The following NPR3 variants were observed in gnomAD, a reference collection of about 807,000 sequenced individuals.
NPR3 encodes the protein atrial natriuretic peptide receptor 3.
Under a neutral mutation model 54.5 loss-of-function variants are expected in NPR3, and 34 were observed. The observed-to-expected ratio is 0.62, with a 90% CI of 0.47 to 0.83. The LOEUF (loss-of-function observed/expected upper bound fraction) is 0.83. NPR3 is among the 40% of genes least tolerant of loss of function. The pLI, the probability that NPR3 is intolerant of heterozygous loss-of-function variation, is 0.00. For missense variants in NPR3, 674 were observed against 720.8 expected (o/e 0.94, Z 0.74); for synonymous variants, 289 against 297.1 (o/e 0.97, Z 0.28).
chr5:32,790,202 TC>T lies in NPR3; in HGVS notation c.*3858del. 1 of 172,366 alleles carries T rather than the reference TC, an allele frequency of 5.8e-6. No homozygotes were observed. Among genetic ancestry groups the T allele is most frequent in the Non-Finnish European group, 1.4e-5 (1 of 71,072 alleles). The allele number at this position is 172,366 out of a possible 1,614,324, so 10.7% of individuals were successfully genotyped here. A position where few individuals can be genotyped will look rare whatever the true frequency, so the allele number is the denominator to read the frequency against. The stretch of plus-strand genomic sequence containing the variant: ...GTGTTCAGAGGGACCAGCTTCTTTT[TC>T]AGTTGTCTTTAGAACTCAAGAATAA... On this transcript the variant is annotated 3_prime_UTR_variant, in exon 8 of 8. Coordinates refer to ENST00000265074, the MANE Select transcript of NPR3 (RefSeq NM_001204375.2).
At chr5:32,703,427 C>G (rs879893415) in intron 1 of NPR3, among the ~76,000 whole-genome samples, 1 of 151,784 alleles carries the variant, frequency 6.6e-6, no homozygotes, top group Non-Finnish European at 1.5e-5. Context: ...AGGAGTCTCT[C>G]CCAGTAGTCA....
At chr5:32,781,867 C>T (rs992509495) in intron 5 of NPR3, among the ~76,000 whole-genome samples, 27 of 152,114 alleles carry the variant, frequency 1.8e-4, no homozygotes, top group Non-Finnish European at 2.6e-4. Flanking sequence ...ATTTTGGTGG[C>T]GATCTAGACT....
intron 3 of NPR3, 70 bp from the exon 4 acceptor site, chr5:32,774,638 G>A: frequency 8.3e-7 from 1 of 1,197,894 alleles, no homozygotes; most frequent in Non-Finnish European, 1.2e-6. Flanking sequence ...TAACGCTTTG[G>A]ATTGCTCATC....
chr5:32,691,905 C>T (rs1339094444), intron 1 of NPR3, among the ~76,000 whole-genome samples: 1 of 152,176 alleles, frequency 6.6e-6, no homozygotes, highest in Non-Finnish European at 1.5e-5. Flanking sequence ...TAAGATCTGT[C>T]CATGCTATTC....
chr5:32,770,844 A>G (rs965902160), intron 3 of NPR3, among the ~76,000 whole-genome samples: 1 of 152,236 alleles, frequency 6.6e-6, no homozygotes, highest in Admixed American at 6.5e-5. Context: ...GCTAATTACT[A>G]GAACAGATTG....
At chr5:32,774,022 T>A (rs1741906259) in intron 3 of NPR3, among the ~76,000 whole-genome samples, 1 of 152,196 alleles carries the variant, frequency 6.6e-6, no homozygotes, top group African/African-American at 2.4e-5. Flanking sequence ...AGGGCTCAAC[T>A]GGGATATACC....
At chr5:32,729,035 G>T (rs796693002) in intron 2 of NPR3, among the ~76,000 whole-genome samples, 6,498 of 77,692 alleles carry the variant, frequency 0.084, 125 homozygotes, top group African/African-American at 0.11. Context: ...TTTTTGTTTT[G>T]TTTTTTTTTT....
chr5:32,778,209 A>T (rs1273436175), intron 4 of NPR3, among the ~76,000 whole-genome samples: 1 of 152,208 alleles, frequency 6.6e-6, no homozygotes, highest in Non-Finnish European at 1.5e-5. Flanking sequence ...TGAAACAATC[A>T]ACTGTGTAGT....
chr5:32,744,605 T>C (rs1740202801), intron 3 of NPR3, among the ~76,000 whole-genome samples: 1 of 152,190 alleles, frequency 6.6e-6, no homozygotes, highest in South Asian at 2.1e-4. Context: ...TTGGTAAGCA[T>C]TCATCGGATG....
intron 1 of NPR3, among the ~76,000 whole-genome samples, chr5:32,719,135 G>GT (rs1229400181): frequency 6.6e-6 from 1 of 152,116 alleles, no homozygotes; most frequent in Non-Finnish European, 1.5e-5. Flanking sequence ...TGTTGGTTCT[G>GT]TTTTTGTGAT....
At position 32,786,729 on chromosome 5, in the gene NPR3, T is replaced by C. The variant is rs1314495231; in HGVS notation, c.*384T>C. 1 of 190,408 alleles carries C rather than the reference T, an allele frequency of 5.3e-6. No individual in the cohort carries two copies. Among genetic ancestry groups the C allele is most frequent in the African/African-American group, 2.4e-5 (1 of 41,794 alleles). The allele number at this position is 190,408 out of a possible 1,614,324, so 11.8% of individuals were successfully genotyped here. ...ATGTTTTGTAGCTAGAATAAAATCA[T>C]TTTTACAAGTACAGCATTCTTGGAA... On this transcript the variant is annotated 3_prime_UTR_variant, in exon 8 of 8. Transcript: ENST00000265074.
chr5:32,726,410 T>C (rs944777753), intron 2 of NPR3, among the ~76,000 whole-genome samples: 3 of 152,204 alleles, frequency 2.0e-5, no homozygotes, highest in Admixed American at 6.5e-5. Context: ...TAGTTTGCCC[T>C]CCTTCCTGCC....
intron 2 of NPR3, among the ~76,000 whole-genome samples, chr5:32,737,023 A>G (rs1315478181): frequency 6.6e-6 from 1 of 152,066 alleles, no homozygotes; most frequent in African/African-American, 2.4e-5. Flanking sequence ...CGGGCTCTAG[A>G]CTAAGTGCCC....
intron 3 of NPR3, among the ~76,000 whole-genome samples, chr5:32,756,242 C>T (rs530096279): frequency 1.3e-5 from 2 of 152,336 alleles, no homozygotes; most frequent in South Asian, 2.1e-4. Flanking sequence ...GTTCCAGTTT[C>T]TCCACATCCT....
At chr5:32,722,127 C>T (rs555548440) in intron 1 of NPR3, among the ~76,000 whole-genome samples, 67 of 151,756 alleles carry the variant, frequency 4.4e-4, no homozygotes, top group African/African-American at 1.5e-3. Context: ...GGAGATGGGC[C>T]GGGAATGTAA....
At chr5:32,757,686 A>T (rs1740921183) in intron 3 of NPR3, among the ~76,000 whole-genome samples, 1 of 152,188 alleles carries the variant, frequency 6.6e-6, no homozygotes, top group South Asian at 2.1e-4. Context: ...GCTAGTTTTG[A>T]AAGGGAATGC....
intron 3 of NPR3, among the ~76,000 whole-genome samples, chr5:32,739,861 T>C (rs1166807371): frequency 6.6e-6 from 1 of 152,186 alleles, no homozygotes; most frequent in South Asian, 2.1e-4. Context: ...GCATCCCAAA[T>C]TGAAAAGGAG....
Position 32,740,542 on chromosome 5 carries a change from A to G in NPR3, c.1059+1512A>G, listed in dbSNP as rs553837144. Among the ~76,000 whole-genome samples the G allele has an allele frequency of 2.0e-5, 3 of 152,106 alleles. No homozygotes were observed. In the East Asian group the frequency reaches 5.8e-4, roughly 29 times the overall value. ...ATCAGTGCTGTCTGGTAGTTATACA[A>G]TGTGACCCAAAAAAGTGAGCCACAT... is the stretch of plus-strand genomic sequence containing the variant. On this transcript the variant is annotated intron_variant, in intron 3 of 7. Transcript: ENST00000265074.
chr5:32,716,943 C>T (rs1392194903), intron 1 of NPR3: 1 of 151,918 alleles, frequency 6.6e-6, no homozygotes, highest in Non-Finnish European at 1.5e-5. Flanking sequence ...TTTGCTGTAC[C>T]CATCAAGTCA....
Sources: allele counts gnomAD v4.1 joint callset (sites outside exome capture counted in the v4.1 genomes callset), GRCh38; gene constraint gnomAD v4.1.1; transcripts MANE v1.5; gene names NCBI Gene and HGNC (gene_info 2026-07-23, HGNC 2026-07-21).